The following GBP7 variants were observed in gnomAD, a reference collection of about 807,000 sequenced individuals.
The protein encoded by GBP7 is guanylate-binding protein 7.
GBP7 carries 43 observed loss-of-function variants against 61.3 expected under a neutral mutation model. The observed-to-expected ratio is 0.70, with a 90% CI of 0.55 to 0.91. GBP7 has a LOEUF of 0.91. Ranked by LOEUF, GBP7 falls within the 40% of genes least tolerant of loss-of-function variation. The pLI is 0.00. For synonymous variants in GBP7, 267 were observed against 271.0 expected, an observed-to-expected ratio of 0.99 and a Z score of 0.14; for missense variants, 717 against 740.5, an observed-to-expected ratio of 0.97 and a Z score of 0.37.
Position 89,132,438 on chromosome 1 carries a change from C to G in GBP7, c.1663-35G>C, listed in dbSNP as rs1490572350. The G allele has an allele frequency of 5.2e-6, 8 of 1,525,724 alleles. No individual in the cohort carries two copies. In the African/African-American group the frequency reaches 9.8e-5, roughly 19 times the overall value. The allele number at this position is 1,525,724 out of a possible 1,614,324, so 94.5% of individuals were successfully genotyped here. A position where few individuals can be genotyped will look rare whatever the true frequency, so the allele number is the denominator to read the frequency against. On this transcript the variant is annotated intron_variant, in intron 10 of 10. Transcript: ENST00000294671. ...TAAAAGAGCCTACTTTTGAAAATCC[C>G]CAATTTTTAAGAGACCGAGGTTTGT...
chr1:89,144,402 A>C (rs912724729), intron 8 of GBP7, among the ~76,000 whole-genome samples: 2 of 152,126 alleles, frequency 1.3e-5, no homozygotes, highest in Non-Finnish European at 2.9e-5. Context: ...TAGTAATGGG[A>C]TTGCTGGGTT....
At chr1:89,159,889 C>T (rs1682397347) in intron 3 of GBP7, among the ~76,000 whole-genome samples, 2 of 152,172 alleles carry the variant, frequency 1.3e-5, no homozygotes. Context: ...ATAAATCACG[C>T]TACTATAAAG....
In GBP7 at chr1:89,132,339, T is replaced by G. The variant is rs1681699080; in HGVS notation, c.1727A>C (p.Asn576Thr). Residue 576 changes from asparagine to threonine, a missense_variant, in exon 11 of 11, where the codon AAT (asparagine) becomes ACT (threonine). Around this residue, in one of 3 missense-constraint regions of GBP7, gnomAD observed 312 missense variants for 310.1 expected, o/e 1.01. Coordinates refer to ENST00000294671, the MANE Select transcript of GBP7 (RefSeq NM_207398.3). ...EIFESLNEEI[N>T]RLKEQIEAAE... ...TGCTTCAATTTGTTCTTTCAGTCGA[T>G]TAATCTCTTCATTTAACGACTCAAA... 3 of 1,613,094 alleles carry G rather than the reference T, an allele frequency of 1.9e-6. No homozygotes were observed. Among genetic ancestry groups the G allele is most frequent in the Non-Finnish European group, 1.7e-6 (2 of 1,179,308 alleles).
intron 8 of GBP7, among the ~76,000 whole-genome samples, chr1:89,145,861 G>C (rs1200713488): frequency 6.6e-6 from 1 of 151,018 alleles, no homozygotes; most frequent in African/African-American, 2.4e-5. Context: ...TACATTGACT[G>C]GAAAAATTAA....
At chr1:89,137,057 G>T (rs921254133) in intron 9 of GBP7, among the ~76,000 whole-genome samples, 1 of 151,994 alleles carries the variant, frequency 6.6e-6, no homozygotes, top group African/African-American at 2.4e-5. Flanking sequence ...AAACCTAGAA[G>T]AAATGGATAA....
intron 8 of GBP7, among the ~76,000 whole-genome samples, chr1:89,145,098 A>G (rs1190206558): frequency 6.6e-6 from 1 of 151,812 alleles, no homozygotes; most frequent in Admixed American, 6.6e-5. Context: ...GACTACAGGC[A>G]TGCACCACCA....
chr1:89,156,380 A>C (rs887723019), intron 3 of GBP7, among the ~76,000 whole-genome samples: 15 of 152,350 alleles, frequency 9.8e-5, no homozygotes, highest in South Asian at 2.1e-4. Flanking sequence ...AAATGGGCTA[A>C]ATGCTCCAAT....
At chr1:89,169,678 A>G (rs1356686986) in intron 2 of GBP7, among the ~76,000 whole-genome samples, 1 of 152,206 alleles carries the variant, frequency 6.6e-6, no homozygotes, top group Non-Finnish European at 1.5e-5. Flanking sequence ...ACACAACTCA[A>G]TGTAAATTTC....
At chr1:89,139,769 G>A (rs1055882385) in intron 9 of GBP7, among the ~76,000 whole-genome samples, 10 of 152,240 alleles carry the variant, frequency 6.6e-5, no homozygotes, top group Non-Finnish European at 1.0e-4. Flanking sequence ...TTAGAATGGC[G>A]ATCATTAAAA....
chr1:89,170,576 A>C (rs1647570644), intron 2 of GBP7, among the ~76,000 whole-genome samples: 1 of 152,188 alleles, frequency 6.6e-6, no homozygotes, highest in South Asian at 2.1e-4. Flanking sequence ...GCATCCAAGC[A>C]CTAGGGAACA....
intron 3 of GBP7, 133 bp downstream of exon 3, chr1:89,164,598 T>G: frequency 1.1e-6 from 1 of 885,502 alleles, no homozygotes; most frequent in Non-Finnish European, 1.7e-6. Flanking sequence ...TTCCAGAAAA[T>G]GAAATTTAGC....
chr1:89,154,180 G>A (rs1224396628), intron 3 of GBP7, among the ~76,000 whole-genome samples: 1 of 152,014 alleles, frequency 6.6e-6, no homozygotes, highest in Non-Finnish European at 1.5e-5. Flanking sequence ...TCATACTTTT[G>A]CAAATAAAAA....
chr1:89,146,749 C>G (rs1217282542), intron 8 of GBP7, among the ~76,000 whole-genome samples: 5 of 152,084 alleles, frequency 3.3e-5, no homozygotes, highest in Non-Finnish European at 7.4e-5. Context: ...GAGATATCAC[C>G]TCACACAGAA....
In GBP7 at chr1:89,152,760, G is replaced by T; in HGVS notation, c.336C>A (p.Asp112Glu). The change falls in exon 4 of 11, where the codon GAC becomes GAA. Residue 112 changes from aspartate (D) to glutamate (E), a missense_variant. Asp to Glu is a conservative substitution (Grantham distance 45). Around this residue, in one of 3 missense-constraint regions of GBP7, gnomAD observed 387 missense variants for 385.2 expected, o/e 1.00. Coordinates refer to ENST00000294671, the MANE Select transcript of GBP7 (RefSeq NM_207398.3). ...GCACAGCCAGGGCAAAGATCCACGA[G>T]TCACTCTTAGGGTCACTCTAGTGTT... The part of the protein sequence containing the change: ...GDMEKSDPKS[D>E]SWIFALAVLL... The T allele has an allele frequency of 6.2e-7, 1 of 1,600,486 alleles. No homozygotes were observed. Among genetic ancestry groups the T allele is most frequent in the South Asian group, 1.1e-5 (1 of 90,612 alleles).
chr1:89,169,185 T>G (rs1360633447), intron 2 of GBP7, among the ~76,000 whole-genome samples: 2 of 152,254 alleles, frequency 1.3e-5, no homozygotes, highest in Non-Finnish European at 2.9e-5. Context: ...TTTGTATCTC[T>G]GTTTTACCAT....
intron 3 of GBP7, among the ~76,000 whole-genome samples, chr1:89,158,908 A>C (rs141564545): frequency 2.0e-5 from 3 of 152,144 alleles, no homozygotes; most frequent in African/African-American, 4.8e-5. Flanking sequence ...TGCCAAGAGA[A>C]TCCTAAGCCA....
intron 3 of GBP7, among the ~76,000 whole-genome samples, chr1:89,163,133 G>A (rs1647322840): frequency 6.6e-6 from 1 of 152,100 alleles, no homozygotes; most frequent in African/African-American, 2.4e-5. Context: ...TGGTGGATAA[G>A]CTTTTTGATG....
At position 89,147,607 on chromosome 1, in the gene GBP7, A is replaced by G. The variant is rs765393609; in HGVS notation, c.1325T>C (p.Ile442Thr). The G allele has an allele frequency of 1.9e-6, 3 of 1,613,938 alleles. No individual in the cohort carries two copies. The Admixed American group carries it at 5.0e-5, about 27-fold the overall frequency. ...GGGCACTAGTGTATAGTCCTGTTCAATCTTCTTTTTTGCTTCTAAGTAGAT... is the reference window on the plus strand; with the variant it reads ...GGGCACTAGTGTATAGTCCTGTTCAGTCTTCTTTTTTGCTTCTAAGTAGAT... ...HNIYLEAKKK[I>T]EQDYTLVPRK... is the part of the protein sequence containing the mutation. The change falls in exon 8 of 11, where the codon ATT becomes ACT. Residue 442 changes from isoleucine (I) to threonine (T), a missense_variant. Physicochemically the swap from Ile to Thr is moderately conservative, Grantham distance 89. This residue lies in a region of GBP7 where 312 missense variants were observed against 310.1 expected (regional missense o/e 1.01). Transcript: ENST00000294671.
chr1:89,141,573 G>A lies in GBP7; in HGVS notation c.1441C>T (p.Leu481Phe), dbSNP rs769215097. ...EESILQSDKA[L>F]TAGEKAIAAK... ...GCTATGGCCTTCTCTCCAGCAGTGA[G>A]GGCTTTGTCTGACTGCAGGATGGAT... Residue 481 changes from leucine to phenylalanine, a missense_variant, in exon 9 of 11, where the codon CTC becomes TTC. Physicochemically the swap from Leu to Phe is conservative, Grantham distance 22 (BLOSUM62 0). This residue lies in a region of GBP7 where 312 missense variants were observed against 310.1 expected (regional missense o/e 1.01). Transcript: ENST00000294671. 5.6e-6 allele frequency: 9 copies of A among 1,613,778 alleles called. No homozygotes were observed. Among genetic ancestry groups the A allele is most frequent in the Non-Finnish European group, 7.6e-6 (9 of 1,179,862 alleles).
Sources: gnomAD v4.1 joint callset for allele counts (sites outside exome capture counted in the v4.1 genomes callset) on GRCh38, gnomAD v4.1.1 for gene constraint, gnomAD v4.1.1 regional missense constraint, MANE v1.5 for transcripts, NCBI Gene and HGNC (gene_info 2026-07-23, HGNC 2026-07-21) for gene names.